PAIP2: variants seen among roughly 807,000 people sequenced by gnomAD.
The protein encoded by PAIP2 is poly(A) binding protein interacting protein 2, also known as polyadenylate-binding protein-interacting protein 2.
PAIP2 carries 7 observed loss-of-function variants against 14.8 expected under a neutral mutation model. That is an observed-to-expected ratio of 0.47 (90% confidence interval 0.27 to 0.89). The LOEUF (loss-of-function observed/expected upper bound fraction) is 0.89, where lower values mean the gene tolerates loss of function less well. PAIP2 is among the 40% of genes least tolerant of loss of function. PAIP2 has a pLI of 0.13. For synonymous variants in PAIP2, 47 were observed against 45.3 expected, an observed-to-expected ratio of 1.04 and a Z score of -0.15; for missense variants, 122 against 154.7, an observed-to-expected ratio of 0.79 and a Z score of 1.12.
At chr5:139,365,513 A>G (rs1214155881) in intron 3 of PAIP2, among the ~76,000 whole-genome samples, 1 of 151,738 alleles carries the variant, frequency 6.6e-6, no homozygotes, top group Non-Finnish European at 1.5e-5. Flanking sequence ...AAAAAATACA[A>G]AAATTAGCTG....
rs1756929820 is a variant in PAIP2, at chr5:139,356,841, T to G, written c.-26-6918T>G. 2.7e-5 allele frequency among the ~76,000 whole-genome samples: 4 copies of G among 148,024 alleles called. No individual in the cohort carries two copies. The Admixed American group carries it at 2.7e-4, about 10-fold the overall frequency. On this transcript the variant is annotated intron_variant, in intron 1 of 3. Coordinates refer to ENST00000265192, the MANE Select transcript of PAIP2 (RefSeq NM_016480.5). ...GGTGGAGGTTGCAGTGAGCTGAGAT[T>G]GAGCCACTGCACTTCAGCCTGAGTG...
chr5:139,361,915 G>A (rs1209207604), intron 1 of PAIP2, among the ~76,000 whole-genome samples: 2 of 139,044 alleles, frequency 1.4e-5, no homozygotes, highest in African/African-American at 5.2e-5. Context: ...CACTGCACTC[G>A]TCTGGGTGAG....
chr5:139,353,996 A>C (rs970577847), intron 1 of PAIP2, among the ~76,000 whole-genome samples: 1 of 152,248 alleles, frequency 6.6e-6, no homozygotes, highest in African/African-American at 2.4e-5. Context: ...TGCTGGGATT[A>C]CAGGCATGAG....
Position 139,363,853 on chromosome 5 carries a change from T to G in PAIP2, c.69T>G (p.His23Gln). The change falls in exon 2 of 4, where the codon CAT (histidine) becomes CAG (glutamine). Residue 23 changes from histidine to glutamine, a missense_variant. Physicochemically the swap from His to Gln is conservative, Grantham distance 24. Coordinates refer to ENST00000265192, the MANE Select transcript of PAIP2 (RefSeq NM_016480.5). Reference sequence around the variant, plus strand: ...ATGAAGATGTGATTATTAACGGTCATTCTCATGAAGATGACAATCCATTTG... The same window carrying G: ...ATGAAGATGTGATTATTAACGGTCAGTCTCATGAAGATGACAATCCATTTG... Reference protein sequence around the residue: ...IINEDVIINGHSHEDDNPFAE... With the variant: ...IINEDVIINGQSHEDDNPFAE... 1.2e-6 allele frequency: 2 copies of G among 1,613,860 alleles called. No homozygotes were observed. Among genetic ancestry groups the G allele is most frequent in the Admixed American group, 3.3e-5 (2 of 60,014 alleles).
chr5:139,344,597 G>A (rs1295958910), intron 1 of PAIP2, among the ~76,000 whole-genome samples: 1 of 152,140 alleles, frequency 6.6e-6, no homozygotes, highest in Non-Finnish European at 1.5e-5. Context: ...GTAGCCGATG[G>A]CCACCATATT....
chr5:139,364,738 C>A lies in PAIP2; in HGVS notation c.313C>A (p.Leu105Ile). 6.3e-7 allele frequency: 1 copy of A among 1,594,224 alleles called. No homozygotes were observed. The highest frequency in any genetic ancestry group is 8.6e-7 in the Non-Finnish European group (1 of 1,169,178). Residue 105 changes from leucine to isoleucine, a missense_variant, in exon 3 of 4, where the codon CTT becomes ATT. By Grantham distance (5) the Leu-to-Ile change is conservative. This residue lies in a region of PAIP2 where 46 missense variants were observed against 44.0 expected (regional missense o/e 1.05). Coordinates refer to ENST00000265192, the MANE Select transcript of PAIP2 (RefSeq NM_016480.5). Reference sequence around the variant, plus strand: ...CAGTGATGGCTCTTCTCTGGAAGATCTTGTGGTAAAAAGTTATTTTTCATC... The same window carrying A: ...CAGTGATGGCTCTTCTCTGGAAGATATTGTGGTAAAAAGTTATTTTTCATC... ...VISDGSSLED[L>I]VVKSNLNPNA...
At chr5:139,343,161 GC>G (rs1426933179) in intron 1 of PAIP2, 1 of 152,142 alleles carries the variant, frequency 6.6e-6, no homozygotes, top group Non-Finnish European at 1.5e-5. Context: ...TCCACTATTT[GC>G]TTTTGTGATT....
intron 1 of PAIP2, among the ~76,000 whole-genome samples, chr5:139,361,059 G>A (rs1194072753): frequency 6.6e-6 from 1 of 152,136 alleles, no homozygotes; most frequent in African/African-American, 2.4e-5. Flanking sequence ...GGAATTACTG[G>A]AGTGAGCCAC....
Position 139,368,869 on chromosome 5 carries a change from T to C in PAIP2, c.*71T>C. On this transcript the variant is annotated 3_prime_UTR_variant, in exon 4 of 4. Coordinates refer to ENST00000265192, the MANE Select transcript of PAIP2 (RefSeq NM_016480.5). ...GTGAAGGCAGTATTAGAAGACTTAA[T>C]TGTAAAAGCTCTCTTGTCACTGTGT... 3 of 1,119,256 alleles carry C rather than the reference T, an allele frequency of 2.7e-6. No individual in the cohort carries two copies. Among genetic ancestry groups the C allele is most frequent in the South Asian group, 2.6e-5 (2 of 77,300 alleles). The allele number at this position is 1,119,256 out of a possible 1,614,324, so 69.3% of individuals were successfully genotyped here.
At chr5:139,368,228 C>G (rs955084797) in intron 3 of PAIP2, among the ~76,000 whole-genome samples, 7 of 152,194 alleles carry the variant, frequency 4.6e-5, no homozygotes, top group Admixed American at 4.6e-4. Flanking sequence ...GTCCCAGCTA[C>G]TCAGGAGGAT....
At chr5:139,354,680 G>A (rs1756853607) in intron 1 of PAIP2, among the ~76,000 whole-genome samples, 1 of 152,004 alleles carries the variant, frequency 6.6e-6, no homozygotes, top group Non-Finnish European at 1.5e-5. Context: ...TCAACGTTCT[G>A]TTCATTTTTC....
intron 1 of PAIP2, chr5:139,342,507 A>C (rs2152042174): frequency 6.6e-6 from 1 of 151,920 alleles, no homozygotes; most frequent in Non-Finnish European, 1.5e-5. Context: ...GAACGCTGCA[A>C]CCGTCGACGG....
chr5:139,347,392 GCCT>G (rs1756585781), intron 1 of PAIP2, among the ~76,000 whole-genome samples: 1 of 149,940 alleles, frequency 6.7e-6, no homozygotes, highest in Non-Finnish European at 1.5e-5. Flanking sequence ...TCCTGCCTCA[GCCT>G]CCTGAGTAGC....
chr5:139,353,189 CAG>C (rs1355997696), intron 1 of PAIP2, among the ~76,000 whole-genome samples: 3 of 151,542 alleles, frequency 2.0e-5, no homozygotes, highest in Non-Finnish European at 2.9e-5. Context: ...TTATTTGTAC[CAG>C]AGTTTGTTTT....
intron 1 of PAIP2, among the ~76,000 whole-genome samples, chr5:139,349,267 G>A (rs1288732059): frequency 2.0e-5 from 3 of 151,948 alleles, no homozygotes; most frequent in Non-Finnish European, 4.4e-5. Flanking sequence ...GTTTTTCTCT[G>A]AGACGGAGTC....
chr5:139,363,996 T>C, intron 2 of PAIP2, 74 bp downstream of exon 2: 1 of 1,278,862 alleles, frequency 7.8e-7, no homozygotes, highest in Non-Finnish European at 1.1e-6. Context: ...CCCTGAAATG[T>C]GTTTATCTTG....
At chr5:139,362,035 G>A (rs1757081207) in intron 1 of PAIP2, among the ~76,000 whole-genome samples, 1 of 151,514 alleles carries the variant, frequency 6.6e-6, no homozygotes, top group South Asian at 2.1e-4. Context: ...AGCAGACACA[G>A]AATATGGGCT....
intron 1 of PAIP2, among the ~76,000 whole-genome samples, chr5:139,359,022 T>C (rs1282909068): frequency 6.6e-6 from 1 of 152,160 alleles, no homozygotes; most frequent in African/African-American, 2.4e-5. Context: ...TTGCCCAGGC[T>C]GGAATGCAGT....
chr5:139,362,602 G>T (rs1026644030), intron 1 of PAIP2, among the ~76,000 whole-genome samples: 3 of 151,868 alleles, frequency 2.0e-5, no homozygotes, highest in Admixed American at 2.0e-4. Flanking sequence ...TAGAGACGGG[G>T]TTTCACCATG....
Sources: gnomAD v4.1 joint callset for allele counts (sites outside exome capture counted in the v4.1 genomes callset) on GRCh38, gnomAD v4.1.1 for gene constraint, gnomAD v4.1.1 regional missense constraint, MANE v1.5 for transcripts, NCBI Gene and HGNC (gene_info 2026-07-23, HGNC 2026-07-21) for gene names.